The following CCSER2 variants were observed in gnomAD, a reference collection of about 807,000 sequenced individuals.
CCSER2 encodes the protein serine-rich coiled-coil domain-containing protein 2.
In CCSER2, 46 loss-of-function variants were observed where a neutral mutation model predicts 92.3. The ratio of observed to expected loss-of-function variants is 0.50; its 90% CI spans 0.39 to 0.64. The LOEUF is 0.64. CCSER2 is among the 30% of genes least tolerant of loss of function. The pLI, the probability that CCSER2 is intolerant of heterozygous loss-of-function variation, is 0.00. For missense variants in CCSER2, 1,244 were observed against 1,238.9 expected, an observed-to-expected ratio of 1.00 and a Z score of -0.06; for synonymous variants, 433 against 431.4, an observed-to-expected ratio of 1.00 and a Z score of -0.04.
At chr10:84,386,993 A>G (rs1285281515) in intron 3 of CCSER2, among the ~76,000 whole-genome samples, 1 of 152,068 alleles carries the variant, frequency 6.6e-6, no homozygotes, top group African/African-American at 2.4e-5. Context: ...TACAGTGTTC[A>G]CTGTTTGGGT....
At chr10:84,473,693 T>TA (rs1258668505) in intron 8 of CCSER2, among the ~76,000 whole-genome samples, 2 of 152,140 alleles carry the variant, frequency 1.3e-5, no homozygotes, top group East Asian at 1.9e-4. Flanking sequence ...AATCACCTAT[T>TA]AAAAAATTTT....
chr10:84,428,985 G>GTGTATATATATA lies in CCSER2; in HGVS notation c.1868+3093_1868+3094insGTATATATATAT, dbSNP rs367824329. 3.3e-4 allele frequency among the ~76,000 whole-genome samples: 46 copies of GTGTATATATATA among 140,846 alleles called. 1 individual carries two copies. The highest frequency in any genetic ancestry group is 2.8e-4 in the Admixed American group (4 of 14,324). The allele number at this position is 140,846 out of a possible 152,430, so 92.4% of individuals were successfully genotyped here. ...GAAGATTTTTTTTGTGTGTGTATGT[G>GTGTATATATATA]TATATATATATATATATATATATAT... On this transcript the variant is annotated intron_variant, in intron 5 of 9. Transcript: ENST00000372088.
chr10:84,404,403 G>A (rs934544729), intron 3 of CCSER2, among the ~76,000 whole-genome samples: 1 of 152,278 alleles, frequency 6.6e-6, no homozygotes, highest in African/African-American at 2.4e-5. Flanking sequence ...TTTAAGTGTT[G>A]TTTAATATTG....
Position 84,417,704 on chromosome 10 carries a change from A to T in CCSER2, c.1615-67A>T. On this transcript the variant is annotated intron_variant, in intron 3 of 9. Transcript: ENST00000372088. Reference sequence around the variant, plus strand: ...TCAGGATATCATATAGTTCGATTTTAAAAAATAATGGTTGACATATCCTTA... The same window carrying T: ...TCAGGATATCATATAGTTCGATTTTTAAAAATAATGGTTGACATATCCTTA... 2.5e-5 allele frequency: 20 copies of T among 793,432 alleles called. 1 individual carries two copies. The South Asian group carries it at 2.7e-4, about 11-fold the overall frequency. 49.1% of individuals were successfully genotyped at this position (793,432 alleles called of 1,614,324 possible).
intron 3 of CCSER2, among the ~76,000 whole-genome samples, chr10:84,385,486 A>G (rs908995252): frequency 1.3e-5 from 2 of 152,180 alleles, no homozygotes; most frequent in African/African-American, 4.8e-5. Context: ...CGACAGAACC[A>G]ACAAAAATAA....
intron 3 of CCSER2, among the ~76,000 whole-genome samples, chr10:84,387,174 A>G (rs1052325195): frequency 1.3e-5 from 2 of 152,072 alleles, no homozygotes; most frequent in Non-Finnish European, 2.9e-5. Flanking sequence ...GATTATTTAT[A>G]TTTTTCTTAA....
Position 84,371,628 on chromosome 10 carries a change from C to A in CCSER2, c.576C>A (p.Ser192=), listed in dbSNP as rs1180611520. Residue 192 remains serine (S), a synonymous_variant, in exon 2 of 10, where the codon TCC becomes TCA. Coordinates refer to ENST00000372088, the MANE Select transcript of CCSER2 (RefSeq NM_001284240.2). The stretch of plus-strand genomic sequence containing the variant: ...GCATGCAAAGGCCTAGAGCGAACTC[C>A]TGTGCCACCAGAAGCAGTTCTGGAG... ...AGSMQRPRAN[S]CATRSSSGES... The A allele has an allele frequency of 6.2e-7, 1 of 1,613,456 alleles. No homozygotes were observed. Among genetic ancestry groups the A allele is most frequent in the African/African-American group, 1.3e-5 (1 of 74,894 alleles).
At chr10:84,437,477 G>T (rs1485404237) in intron 5 of CCSER2, among the ~76,000 whole-genome samples, 1 of 151,584 alleles carries the variant, frequency 6.6e-6, no homozygotes, top group East Asian at 1.9e-4. Flanking sequence ...TCGTACCATT[G>T]CGCTCCAGCC....
At chr10:84,342,509 T>C (rs906462029) in intron 1 of CCSER2, among the ~76,000 whole-genome samples, 3 of 152,118 alleles carry the variant, frequency 2.0e-5, no homozygotes, top group Admixed American at 2.0e-4. Flanking sequence ...TTGAGAAAAT[T>C]GTCTTAAAAA....
chr10:84,420,079 T>C (rs1843065375), intron 4 of CCSER2, among the ~76,000 whole-genome samples: 1 of 152,244 alleles, frequency 6.6e-6, no homozygotes. Context: ...GCATTTTACT[T>C]TGACAGAATT....
chr10:84,465,226 C>T (rs1372271243), intron 7 of CCSER2, among the ~76,000 whole-genome samples: 1 of 130,510 alleles, frequency 7.7e-6, no homozygotes, highest in Non-Finnish European at 1.6e-5. Flanking sequence ...CAAAGTTGAC[C>T]TCTTTCCTGA....
intron 1 of CCSER2, among the ~76,000 whole-genome samples, chr10:84,335,838 C>A (rs1461077533): frequency 1.3e-5 from 2 of 152,130 alleles, no homozygotes; most frequent in African/African-American, 4.8e-5. Context: ...TAATAATTTT[C>A]TCTGAAGATC....
rs1432146182 is a variant in CCSER2, at chr10:84,371,780, C to T, written c.728C>T (p.Ser243Phe). ...LPPSSITRSHSFNRAVDLTKP... is the reference protein window; with the variant it reads ...LPPSSITRSHFFNRAVDLTKP... ...CCTTCATCTATAACCAGATCACATT[C>T]CTTTAATAGAGCTGTGGATCTTACA... is the stretch of plus-strand genomic sequence containing the variant. Residue 243 changes from serine to phenylalanine, a missense_variant, in exon 2 of 10, where the codon TCC becomes TTC. Coordinates refer to ENST00000372088, the MANE Select transcript of CCSER2 (RefSeq NM_001284240.2). 2 of 1,613,676 alleles carry T rather than the reference C, an allele frequency of 1.2e-6. No individual in the cohort carries two copies. Among genetic ancestry groups the T allele is most frequent in the South Asian group, 1.1e-5 (1 of 91,060 alleles).
At chr10:84,449,634 C>G (rs565593867) in intron 6 of CCSER2, among the ~76,000 whole-genome samples, 12 of 152,248 alleles carry the variant, frequency 7.9e-5, no homozygotes, top group African/African-American at 2.9e-4. Flanking sequence ...GTGGGCAGAT[C>G]ACCTGTGGTT....
chr10:84,431,726 G>C (rs1354257011), intron 5 of CCSER2, among the ~76,000 whole-genome samples: 2 of 152,122 alleles, frequency 1.3e-5, no homozygotes, highest in African/African-American at 4.8e-5. Context: ...ACAACAGAGA[G>C]AGACCCTGTC....
intron 1 of CCSER2, among the ~76,000 whole-genome samples, chr10:84,362,421 GT>G (rs1228843344): frequency 6.6e-6 from 1 of 152,150 alleles, no homozygotes; most frequent in Non-Finnish European, 1.5e-5. Context: ...AGGTATTTGA[GT>G]TTTGTGTTCC....
chr10:84,482,816 G>A (rs1847533771), intron 9 of CCSER2, among the ~76,000 whole-genome samples: 1 of 152,150 alleles, frequency 6.6e-6, no homozygotes, highest in African/African-American at 2.4e-5. Flanking sequence ...TGAAAATTGA[G>A]TACATGAATA....
At position 84,476,476 on chromosome 10, in the gene CCSER2, C is replaced by T. The variant is rs1056842203; in HGVS notation, c.2236-1099C>T. ...TTTTTTTTTTTTGAAATGGTGTCTC[C>T]CTCTGTCACCCAGGCTGGAGTGCAG... On this transcript the variant is annotated intron_variant, in intron 8 of 9. Transcript: ENST00000372088. 5.2e-4 allele frequency among the ~76,000 whole-genome samples: 67 copies of T among 127,780 alleles called. 1 individual carries two copies. The highest frequency in any genetic ancestry group is 2.2e-4 in the Non-Finnish European group (14 of 62,588). The allele number at this position is 127,780 out of a possible 152,430, so 83.8% of individuals were successfully genotyped here.
chr10:84,424,199 TG>T (rs1225983181), intron 4 of CCSER2, among the ~76,000 whole-genome samples: 3 of 151,996 alleles, frequency 2.0e-5, no homozygotes, highest in African/African-American at 7.2e-5. Flanking sequence ...AATTTTCTTT[TG>T]CTATCTTATT....
Sources: gnomAD v4.1 joint callset for allele counts (sites outside exome capture counted in the v4.1 genomes callset) on GRCh38, gnomAD v4.1.1 for gene constraint, MANE v1.5 for transcripts, NCBI Gene and HGNC (gene_info 2026-07-23, HGNC 2026-07-21) for gene names.